MDGA2: variants seen among roughly 807,000 people sequenced by gnomAD.
The protein encoded by MDGA2 is MAM domain-containing glycosylphosphatidylinositol anchor protein 2.
MDGA2 carries 40 observed loss-of-function variants against 117.8 expected under a neutral mutation model. The observed-to-expected ratio is 0.34, with a 90% CI of 0.26 to 0.44. The LOEUF (loss-of-function observed/expected upper bound fraction) is 0.44, where lower values mean the gene tolerates loss of function less well. Ranked by LOEUF, MDGA2 falls within the 20% of genes least tolerant of loss-of-function variation. MDGA2 has a pLI of 1.00. For missense variants in MDGA2, 1,123 were observed against 1,250.6 expected, an observed-to-expected ratio of 0.90 and a Z score of 1.54; for synonymous variants, 452 against 439.0, an observed-to-expected ratio of 1.03 and a Z score of -0.37.
chr14:47,512,744 A>G (rs530561002), intron 1 of MDGA2, among the ~76,000 whole-genome samples: 1 of 152,266 alleles, frequency 6.6e-6, no homozygotes, highest in Admixed American at 6.5e-5. Context: ...CTCAAAATCC[A>G]TGGCTTTTTC....
intron 1 of MDGA2, among the ~76,000 whole-genome samples, chr14:47,530,343 G>C (rs1277952389): frequency 6.6e-6 from 1 of 152,138 alleles, no homozygotes; most frequent in Non-Finnish European, 1.5e-5. Context: ...CTGATTGTTT[G>C]TAACCAGCTT....
At chr14:47,457,249 T>C (rs1893374412) in intron 1 of MDGA2, among the ~76,000 whole-genome samples, 1 of 152,326 alleles carries the variant, frequency 6.6e-6, no homozygotes, top group African/African-American at 2.4e-5. Flanking sequence ...TCAAACAGCA[T>C]GCATTTAAAA....
chr14:47,598,936 T>C (rs73262374), intron 1 of MDGA2, among the ~76,000 whole-genome samples: 2,588 of 152,150 alleles, frequency 0.017, 81 homozygotes, highest in African/African-American at 0.058. Context: ...CTAACTGATA[T>C]GAGATACATT....
chr14:47,329,642 T>G (rs1254657215), intron 1 of MDGA2, among the ~76,000 whole-genome samples: 3 of 152,076 alleles, frequency 2.0e-5, no homozygotes, highest in Non-Finnish European at 4.4e-5. Flanking sequence ...TCCAAGAAAT[T>G]TTTTAAACTA....
intron 2 of MDGA2, among the ~76,000 whole-genome samples, chr14:47,286,545 G>C (rs893397425): frequency 1.3e-5 from 2 of 151,856 alleles, no homozygotes; most frequent in African/African-American, 4.8e-5. Context: ...CCATGGTGTA[G>C]CAAATGATGT....
chr14:46,912,434 A>G (rs1054081925), intron 10 of MDGA2, among the ~76,000 whole-genome samples: 10 of 152,144 alleles, frequency 6.6e-5, no homozygotes, highest in African/African-American at 2.4e-4. Context: ...CTTGTAAATT[A>G]ACATATTGAA....
chr14:46,966,226 G>A (rs1394037559), intron 8 of MDGA2, among the ~76,000 whole-genome samples: 2 of 152,074 alleles, frequency 1.3e-5, no homozygotes, highest in Admixed American at 6.5e-5. Context: ...GAAAAATTAA[G>A]CAAGTCACCC....
At chr14:47,541,801 C>T (rs1277103067) in intron 1 of MDGA2, among the ~76,000 whole-genome samples, 1 of 152,202 alleles carries the variant, frequency 6.6e-6, no homozygotes, top group Admixed American at 6.5e-5. Context: ...CTTGCAATCA[C>T]TTCCCAATAC....
chr14:47,298,165 C>T (rs533283755), intron 2 of MDGA2, among the ~76,000 whole-genome samples: 1 of 152,180 alleles, frequency 6.6e-6, no homozygotes, highest in South Asian at 2.1e-4. Context: ...GATTACGGAA[C>T]TTTTCCAAGG....
chr14:47,560,971 T>G (rs996549084), intron 1 of MDGA2, among the ~76,000 whole-genome samples: 1 of 152,146 alleles, frequency 6.6e-6, no homozygotes, highest in African/African-American at 2.4e-5. Flanking sequence ...ATTGCTTGTT[T>G]TTGTCAATTT....
chr14:46,874,997 TTATTAAA>T (rs1882167869), intron 12 of MDGA2, among the ~76,000 whole-genome samples: 1 of 149,832 alleles, frequency 6.7e-6, no homozygotes, highest in Non-Finnish European at 1.5e-5. Context: ...ACTAGACACA[TTATTAAA>T]GAGTGTGTAT....
At chr14:47,074,302 A>C (rs1890408043) in intron 6 of MDGA2, among the ~76,000 whole-genome samples, 1 of 143,794 alleles carries the variant, frequency 7.0e-6, no homozygotes, top group Non-Finnish European at 1.5e-5. Flanking sequence ...CAGTAACAGA[A>C]CTTTTTTTTT....
intron 9 of MDGA2, among the ~76,000 whole-genome samples, chr14:46,949,877 G>T (rs1885306949): frequency 6.6e-6 from 1 of 151,776 alleles, no homozygotes; most frequent in Non-Finnish European, 1.5e-5. Context: ...TCAGTAGTGG[G>T]ATGGCAGGGT....
intron 1 of MDGA2, among the ~76,000 whole-genome samples, chr14:47,367,316 A>G (rs932008143): frequency 1.3e-5 from 2 of 152,200 alleles, no homozygotes; most frequent in South Asian, 2.1e-4. Context: ...ATAGATTGCT[A>G]TCCCTAAAAA....
At chr14:47,232,576 A>G (rs1041226349) in intron 2 of MDGA2, among the ~76,000 whole-genome samples, 2 of 152,120 alleles carry the variant, frequency 1.3e-5, no homozygotes, top group Non-Finnish European at 2.9e-5. Context: ...AATGAGGTTC[A>G]CCTTGAAAGC....
intron 8 of MDGA2, among the ~76,000 whole-genome samples, chr14:46,962,729 T>C (rs1885860740): frequency 1.3e-5 from 2 of 152,240 alleles, no homozygotes; most frequent in South Asian, 4.1e-4. Context: ...AAAAAATGGA[T>C]CTTAAACTCA....
At chr14:47,272,890 T>C (rs1424805323) in intron 2 of MDGA2, among the ~76,000 whole-genome samples, 1 of 152,138 alleles carries the variant, frequency 6.6e-6, no homozygotes, top group Admixed American at 6.6e-5. Context: ...TAAATTAGCT[T>C]AGCTGAAGGT....
intron 1 of MDGA2, among the ~76,000 whole-genome samples, chr14:47,374,784 C>T (rs1176929251): frequency 1.3e-5 from 2 of 151,870 alleles, no homozygotes. Flanking sequence ...CCTTTCTGTT[C>T]CAATCTAGTA....
At chr14:47,591,563 C>A (rs1476158273) in intron 1 of MDGA2, among the ~76,000 whole-genome samples, 1 of 152,116 alleles carries the variant, frequency 6.6e-6, no homozygotes, top group Non-Finnish European at 1.5e-5. Flanking sequence ...TACTGGCAAA[C>A]CGAATCCAGC....
Sources: allele counts gnomAD v4.1 joint callset (sites outside exome capture counted in the v4.1 genomes callset), GRCh38; gene constraint gnomAD v4.1.1; transcripts MANE v1.5; gene names NCBI Gene and HGNC (gene_info 2026-07-23, HGNC 2026-07-21).